DNAJC1: variants seen among roughly 807,000 people sequenced by gnomAD.
The protein encoded by DNAJC1 is dnaJ homolog subfamily C member 1.
In DNAJC1, 58 loss-of-function variants were observed where a neutral mutation model predicts 76.6. The ratio of observed to expected loss-of-function variants is 0.76; its 90% CI spans 0.61 to 0.94. The LOEUF (loss-of-function observed/expected upper bound fraction) is 0.94, where lower values mean the gene tolerates loss of function less well. DNAJC1 is among the 40% of genes least tolerant of loss of function. DNAJC1 has a pLI of 0.00. For synonymous variants in DNAJC1, 258 were observed against 267.9 expected, an observed-to-expected ratio of 0.96 and a Z score of 0.36; for missense variants, 689 against 677.3, an observed-to-expected ratio of 1.02 and a Z score of -0.19.
At chr10:21,847,563 GC>G (rs1479512011) in intron 8 of DNAJC1, among the ~76,000 whole-genome samples, 1 of 151,972 alleles carries the variant, frequency 6.6e-6, no homozygotes, top group Non-Finnish European at 1.5e-5. Context: ...TTTTGCAACC[GC>G]TAACCAGCCT....
chr10:21,774,324 A>C (rs1834427323), intron 9 of DNAJC1, among the ~76,000 whole-genome samples: 1 of 152,128 alleles, frequency 6.6e-6, no homozygotes, highest in South Asian at 2.1e-4. Context: ...CAAAGAATTC[A>C]TATAAACTTT....
At chr10:21,859,308 T>C (rs1835887592) in intron 8 of DNAJC1, among the ~76,000 whole-genome samples, 1 of 152,126 alleles carries the variant, frequency 6.6e-6, no homozygotes, top group South Asian at 2.1e-4. Context: ...CTATTGCATA[T>C]GACTAAATTA....
intron 9 of DNAJC1, among the ~76,000 whole-genome samples, chr10:21,796,603 ACTT>A (rs1224409866): frequency 1.3e-5 from 2 of 151,892 alleles, no homozygotes; most frequent in South Asian, 2.1e-4. Context: ...CACTGCCAAC[ACTT>A]CTTTTTGTTT....
At chr10:21,856,356 T>C (rs1835832349) in intron 8 of DNAJC1, among the ~76,000 whole-genome samples, 1 of 152,110 alleles carries the variant, frequency 6.6e-6, no homozygotes, top group African/African-American at 2.4e-5. Context: ...TTTTACTACA[T>C]TTTATTATTG....
chr10:21,991,419 T>C (rs1005646776), intron 1 of DNAJC1, among the ~76,000 whole-genome samples: 5 of 152,192 alleles, frequency 3.3e-5, no homozygotes, highest in African/African-American at 1.2e-4. Context: ...CCAATGTTCC[T>C]AGAACAGCAT....
chr10:21,771,840 T>G (rs1301427961), intron 9 of DNAJC1, among the ~76,000 whole-genome samples: 1 of 152,230 alleles, frequency 6.6e-6, no homozygotes, highest in East Asian at 1.9e-4. Flanking sequence ...TGCTTTTTAT[T>G]CTATTGACAT....
chr10:21,785,607 G>C (rs559309861), intron 9 of DNAJC1: 69 of 152,304 alleles, frequency 4.5e-4, no homozygotes, highest in African/African-American at 1.6e-3. Flanking sequence ...AACTGTCTTT[G>C]TTGAAGGGAT....
At chr10:21,902,780 C>A (rs1233550763) in intron 7 of DNAJC1, among the ~76,000 whole-genome samples, 1 of 152,072 alleles carries the variant, frequency 6.6e-6, no homozygotes, top group Non-Finnish European at 1.5e-5. Context: ...CTTGTTACTA[C>A]TAAATAATTC....
intron 8 of DNAJC1, among the ~76,000 whole-genome samples, chr10:21,836,667 G>C (rs1835464403): frequency 6.6e-6 from 1 of 151,944 alleles, no homozygotes; most frequent in African/African-American, 2.4e-5. Context: ...AAAAAGGCAG[G>C]GGTTGCAATC....
intron 8 of DNAJC1, among the ~76,000 whole-genome samples, chr10:21,829,716 T>C (rs1835325131): frequency 1.3e-5 from 2 of 152,250 alleles, no homozygotes; most frequent in South Asian, 4.1e-4. Context: ...AAATAACATA[T>C]GGCTGGATTT....
intron 8 of DNAJC1, among the ~76,000 whole-genome samples, chr10:21,881,411 C>T (rs1836275097): frequency 1.3e-5 from 2 of 152,146 alleles, no homozygotes; most frequent in African/African-American, 4.8e-5. Flanking sequence ...GCCTTCCGAA[C>T]TAAGCTTAAT....
At chr10:21,894,914 A>C (rs1003070276) in intron 7 of DNAJC1, among the ~76,000 whole-genome samples, 5 of 152,314 alleles carry the variant, frequency 3.3e-5, no homozygotes, top group Admixed American at 3.3e-4. Context: ...CATCTTGGAA[A>C]CAGAGACCAG....
At chr10:21,867,532 T>C (rs1050572033) in intron 8 of DNAJC1, among the ~76,000 whole-genome samples, 15 of 151,920 alleles carry the variant, frequency 9.9e-5, no homozygotes, top group Non-Finnish European at 1.9e-4. Context: ...CGCGGGAGAA[T>C]AGAAAATTTC....
chr10:21,841,638 T>C (rs1191053990), intron 8 of DNAJC1, among the ~76,000 whole-genome samples: 4 of 152,124 alleles, frequency 2.6e-5, no homozygotes, highest in East Asian at 1.9e-4. Context: ...AATAGGAACA[T>C]TTTTACACTG....
Position 21,919,939 on chromosome 10 carries a change from G to C in DNAJC1, c.538-10C>G, listed in dbSNP as rs1239194471. Reference sequence around the variant, plus strand: ...TACTTAGTAGTTCATCCTTAATGTGGAAAGAATTATGGTTACAGGTTATCA... The same window carrying C: ...TACTTAGTAGTTCATCCTTAATGTGCAAAGAATTATGGTTACAGGTTATCA... On this transcript the variant is annotated splice_polypyrimidine_tract_variant and intron_variant, in intron 4 of 11. Transcript: ENST00000376980. 5 of 1,542,302 alleles carry C rather than the reference G, an allele frequency of 3.2e-6. No individual in the cohort carries two copies. The highest frequency in any genetic ancestry group is 1.8e-5 in the Admixed American group (1 of 55,452).
intron 9 of DNAJC1, among the ~76,000 whole-genome samples, chr10:21,788,636 G>A (rs1834643087): frequency 6.6e-6 from 1 of 152,124 alleles, no homozygotes; most frequent in African/African-American, 2.4e-5. Flanking sequence ...TGCTGCCACT[G>A]CACTTGGACT....
At chr10:21,767,762 G>A (rs1834317730) in intron 9 of DNAJC1, among the ~76,000 whole-genome samples, 1 of 152,138 alleles carries the variant, frequency 6.6e-6, no homozygotes, top group South Asian at 2.1e-4. Context: ...CTGGGAGGCC[G>A]AGGCAGCCAG....
At chr10:21,949,605 C>G (rs1317171330) in intron 1 of DNAJC1, among the ~76,000 whole-genome samples, 2 of 151,514 alleles carry the variant, frequency 1.3e-5, no homozygotes, top group African/African-American at 2.4e-5. Context: ...TTAGTAGAGA[C>G]AGGGTTTCTC....
intron 8 of DNAJC1, among the ~76,000 whole-genome samples, chr10:21,819,874 G>A (rs186231037): frequency 9.2e-4 from 140 of 152,292 alleles, no homozygotes; most frequent in African/African-American, 3.1e-3. Context: ...AGGTTGTAGC[G>A]AGCTGAGATC....
Sources: gnomAD v4.1 joint callset for allele counts (sites outside exome capture counted in the v4.1 genomes callset) on GRCh38, gnomAD v4.1.1 for gene constraint, MANE v1.5 for transcripts, NCBI Gene and HGNC (gene_info 2026-07-23, HGNC 2026-07-21) for gene names.